Variants in RPS6KC1 observed in about 807,000 individuals in gnomAD.
The protein encoded by RPS6KC1 is ribosomal protein S6 kinase C1.
In RPS6KC1, 54 loss-of-function variants were observed where a neutral mutation model predicts 103.8. The ratio of observed to expected loss-of-function variants is 0.52; its 90% CI spans 0.42 to 0.65. The LOEUF (loss-of-function observed/expected upper bound fraction) is 0.65, where lower values mean the gene tolerates loss of function less well. RPS6KC1 is among the 30% of genes least tolerant of loss of function. The pLI is 0.00. For synonymous variants in RPS6KC1, 439 were observed against 438.7 expected, an observed-to-expected ratio of 1.00 and a Z score of -0.01; for missense variants, 1,151 against 1,253.8, an observed-to-expected ratio of 0.92 and a Z score of 1.24.
chr1:213,719,802 C>T, the RPS6KC1 span, among the ~76,000 whole-genome samples: 2 of 152,008 alleles, frequency 1.3e-5, no homozygotes, highest in African/African-American at 2.4e-5. Flanking sequence ...GTATCCCGGT[C>T]AAGAGCAGGA....
At chr1:213,176,615 C>G in intron 8 of RPS6KC1, 123 bp downstream of exon 8, 1 of 570,782 alleles carries the variant, frequency 1.8e-6, no homozygotes, top group Non-Finnish European at 3.0e-6. Flanking sequence ...AATGCATGTG[C>G]ACTTTACAAT....
the RPS6KC1 span, among the ~76,000 whole-genome samples, chr1:213,514,387 C>A: frequency 5.2e-3 from 676 of 130,234 alleles, 6 homozygotes; most frequent in African/African-American, 0.019. Flanking sequence ...CCCCTCCCCC[C>A]ACCCCACAAC....
the RPS6KC1 span, among the ~76,000 whole-genome samples, chr1:213,643,365 A>T: frequency 6.6e-6 from 1 of 151,888 alleles, no homozygotes; most frequent in Non-Finnish European, 1.5e-5. Flanking sequence ...CATACACCTT[A>T]TAAGGTATCT....
chr1:213,218,314 G>A (rs2093725809), intron 8 of RPS6KC1, among the ~76,000 whole-genome samples: 1 of 151,986 alleles, frequency 6.6e-6, no homozygotes, highest in Admixed American at 6.6e-5. Context: ...AACTTACAAG[G>A]GACGTGAAGG....
At position 213,051,374 on chromosome 1, in the gene RPS6KC1, G is replaced by GGGCGGC; in HGVS notation, c.-29_-28insCGGCGG. On this transcript the variant is annotated 5_prime_UTR_variant, in exon 1 of 15. Coordinates refer to ENST00000366960, the MANE Select transcript of RPS6KC1 (RefSeq NM_012424.6). The stretch of plus-strand genomic sequence containing the variant: ...CCGGGTTTCCCTCATGATCCCGGGC[G>GGGCGGC]GGTGGCGGCGGCGGCAGAGGCGGCG... 1 of 1,535,788 alleles carries GGGCGGC rather than the reference G, an allele frequency of 6.5e-7. No individual in the cohort carries two copies. The highest frequency in any genetic ancestry group is 2.3e-5 in the East Asian group (1 of 44,086).
the RPS6KC1 span, among the ~76,000 whole-genome samples, chr1:213,517,760 C>A: frequency 2.0e-5 from 3 of 152,144 alleles, no homozygotes; most frequent in Non-Finnish European, 4.4e-5. Context: ...TGGTGCAGAG[C>A]TGAGTTCAGT....
intron 8 of RPS6KC1, among the ~76,000 whole-genome samples, chr1:213,197,113 A>G (rs1348277199): frequency 6.6e-6 from 1 of 152,160 alleles, no homozygotes; most frequent in Non-Finnish European, 1.5e-5. Context: ...TTGGGATTAC[A>G]GGCATGAGCC....
chr1:213,790,283 A>G, the RPS6KC1 span, among the ~76,000 whole-genome samples: 1 of 152,182 alleles, frequency 6.6e-6, no homozygotes, highest in South Asian at 2.1e-4. Flanking sequence ...TCAGCTTTTA[A>G]TCTATCCTAT....
chr1:213,761,044 T>C, the RPS6KC1 span, among the ~76,000 whole-genome samples: 1 of 151,978 alleles, frequency 6.6e-6, no homozygotes, highest in African/African-American at 2.4e-5. Context: ...TTGTATATTA[T>C]AAGGGAAGCT....
chr1:213,114,921 T>G (rs2083424178), intron 4 of RPS6KC1, among the ~76,000 whole-genome samples: 1 of 152,220 alleles, frequency 6.6e-6, no homozygotes, highest in Non-Finnish European at 1.5e-5. Flanking sequence ...TCATGGTGGA[T>G]AAGCTTTTTG....
the RPS6KC1 span, among the ~76,000 whole-genome samples, chr1:213,283,656 C>A: frequency 6.6e-6 from 1 of 152,070 alleles, no homozygotes; most frequent in African/African-American, 2.4e-5. Context: ...AGAGGGCTGA[C>A]CTTTGAACTC....
rs962505081 is a variant in RPS6KC1, at chr1:213,273,670, G to A, written c.*1036G>A. The A allele has an allele frequency of 6.6e-6, 1 of 152,338 alleles. No individual in the cohort carries two copies. The highest frequency in any genetic ancestry group is 2.4e-5 in the African/African-American group (1 of 41,430). The allele number at this position is 152,338 out of a possible 1,614,324, so 9.4% of individuals were successfully genotyped here. A position where few individuals can be genotyped will look rare whatever the true frequency, so the allele number is the denominator to read the frequency against. ...CCTAGTTTGTTACTTATGGTGATGA[G>A]ATTTTCAGATTTGAACTAATCTATT... On this transcript the variant is annotated 3_prime_UTR_variant, in exon 15 of 15. Transcript: ENST00000366960.
chr1:213,248,016 C>T (rs2094481815), intron 12 of RPS6KC1, among the ~76,000 whole-genome samples: 1 of 151,938 alleles, frequency 6.6e-6, no homozygotes, highest in Non-Finnish European at 1.5e-5. Flanking sequence ...AGTTGAATGT[C>T]AAGATTCTCA....
the RPS6KC1 span, among the ~76,000 whole-genome samples, chr1:213,538,707 G>A: frequency 1.3e-5 from 2 of 152,132 alleles, no homozygotes; most frequent in Admixed American, 1.3e-4. Flanking sequence ...AGTACCCATC[G>A]AGTACGAGTT....
chr1:213,441,723 A>G, the RPS6KC1 span, among the ~76,000 whole-genome samples: 1 of 152,188 alleles, frequency 6.6e-6, no homozygotes, highest in African/African-American at 2.4e-5. Flanking sequence ...ATGATGGTCA[A>G]AGGGAACCAA....
the RPS6KC1 span, among the ~76,000 whole-genome samples, chr1:213,768,158 G>A: frequency 6.6e-6 from 1 of 152,122 alleles, no homozygotes; most frequent in African/African-American, 2.4e-5. Flanking sequence ...TCCCTTTCAT[G>A]TGGCAAATTC....
the RPS6KC1 span, among the ~76,000 whole-genome samples, chr1:213,313,802 AATT>A: frequency 1.3e-5 from 2 of 152,072 alleles, no homozygotes; most frequent in African/African-American, 4.8e-5. Context: ...AGTACAAAAA[AATT>A]AGCCGGGTGT....
At chr1:213,290,530 C>CTCCGCATTGATT in the RPS6KC1 span, among the ~76,000 whole-genome samples, 1 of 152,126 alleles carries the variant, frequency 6.6e-6, no homozygotes, top group Non-Finnish European at 1.5e-5. Flanking sequence ...CTGCTTCTGA[C>CTCCGCATTGATT]TCCAGCCCTT....
the RPS6KC1 span, among the ~76,000 whole-genome samples, chr1:213,513,712 T>C: frequency 5.6e-3 from 851 of 152,274 alleles, 12 homozygotes; most frequent in African/African-American, 0.019. Context: ...GGAGGATAAA[T>C]ACATTTATAC....
Sources: gnomAD v4.1 joint callset for allele counts (sites outside exome capture counted in the v4.1 genomes callset) on GRCh38, gnomAD v4.1.1 for gene constraint, MANE v1.5 for transcripts, NCBI Gene and HGNC (gene_info 2026-07-23, HGNC 2026-07-21) for gene names.